The following CAMK1D variants were observed in gnomAD, a reference collection of about 807,000 sequenced individuals.
CAMK1D encodes calcium/calmodulin dependent protein kinase ID, also known as calcium/calmodulin-dependent protein kinase type 1D.
In CAMK1D, 9 loss-of-function variants were observed where a neutral mutation model predicts 47.7. The ratio of observed to expected loss-of-function variants is 0.19; its 90% CI spans 0.11 to 0.33. The LOEUF (loss-of-function observed/expected upper bound fraction) is 0.33. Ranked by LOEUF, CAMK1D falls within the 10% of genes least tolerant of loss-of-function variation. CAMK1D has a pLI of 1.00. For missense variants in CAMK1D, 291 were observed against 488.7 expected (o/e 0.60, Z 3.81); for synonymous variants, 184 against 184.9 (o/e 0.99, Z 0.04).
chr10:12,756,527 T>G (rs1484655753), intron 3 of CAMK1D, among the ~76,000 whole-genome samples: 1 of 152,268 alleles, frequency 6.6e-6, no homozygotes, highest in Non-Finnish European at 1.5e-5. Flanking sequence ...GCAAACATAC[T>G]GAAATTTTAC....
rs187483507 is a variant in CAMK1D at position 12,361,616 on chromosome 10, C to T, written c.92+11706C>T. Among the ~76,000 whole-genome samples the T allele has an allele frequency of 4.6e-3, 600 of 131,802 alleles. 2 individuals are homozygous for T. The highest frequency in any genetic ancestry group is 5.6e-3 in the Non-Finnish European group (366 of 64,794). The allele number at this position is 131,802 out of a possible 152,430, so 86.5% of individuals were successfully genotyped here. A position where few individuals can be genotyped will look rare whatever the true frequency, so the allele number is the denominator to read the frequency against. ...TGTGGCCCAGGCTGGAGTGCAGTGG[C>T]GTAATCTCTGCTCACGGAAACCTCT... On this transcript the variant is annotated intron_variant, in intron 1 of 10. Coordinates refer to ENST00000619168, the MANE Select transcript of CAMK1D (RefSeq NM_153498.4).
intron 1 of CAMK1D, among the ~76,000 whole-genome samples, chr10:12,507,290 C>T (rs115784259): frequency 3.3e-5 from 5 of 152,284 alleles, no homozygotes; most frequent in African/African-American, 1.2e-4. Flanking sequence ...GACCTAGTGG[C>T]AGTAGGTTTC....
At chr10:12,757,680 G>A (rs1364245273) in intron 3 of CAMK1D, among the ~76,000 whole-genome samples, 2 of 152,148 alleles carry the variant, frequency 1.3e-5, no homozygotes, top group African/African-American at 4.8e-5. Context: ...TTTTCTCACA[G>A]TTCTGGAGGC....
chr10:12,384,239 A>G (rs781204476), intron 1 of CAMK1D, among the ~76,000 whole-genome samples: 6 of 152,244 alleles, frequency 3.9e-5, no homozygotes, highest in Non-Finnish European at 8.8e-5. Context: ...TCCTGTGTCT[A>G]TGGATTGGAA....
At chr10:12,615,436 G>A in intron 2 of CAMK1D, among the ~76,000 whole-genome samples, 1 of 152,214 alleles carries the variant, frequency 6.6e-6, no homozygotes, top group South Asian at 2.1e-4. Flanking sequence ...CTGAGTGTGT[G>A]AGTGTGTGCA....
chr10:12,387,200 T>C (rs1470400083), intron 1 of CAMK1D, among the ~76,000 whole-genome samples: 1 of 142,354 alleles, frequency 7.0e-6, no homozygotes. Flanking sequence ...AGAGACTCCA[T>C]CTCAAAAAAA....
chr10:12,646,876 C>G (rs1839824426), intron 2 of CAMK1D, among the ~76,000 whole-genome samples: 2 of 152,050 alleles, frequency 1.3e-5, no homozygotes, highest in African/African-American at 4.8e-5. Flanking sequence ...GAGTCTCACT[C>G]TGTCACCCAG....
chr10:12,430,939 G>A (rs1035375903), intron 1 of CAMK1D, among the ~76,000 whole-genome samples: 27 of 152,164 alleles, frequency 1.8e-4, no homozygotes, highest in African/African-American at 6.3e-4. Flanking sequence ...TAGTAGAGAC[G>A]GGATTTCGCC....
intron 2 of CAMK1D, among the ~76,000 whole-genome samples, chr10:12,560,926 T>C (rs976513226): frequency 1.1e-4 from 16 of 151,856 alleles, no homozygotes; most frequent in African/African-American, 2.2e-4. Context: ...CTTTCTTTTT[T>C]TTTTTGAGAT....
At chr10:12,515,405 T>TTTTTTTTTTTTC (rs1835168596) in intron 1 of CAMK1D, among the ~76,000 whole-genome samples, 57 of 82,318 alleles carry the variant, frequency 6.9e-4, no homozygotes, top group African/African-American at 1.7e-3. Context: ...TCCTTTTCTT[T>TTTTTTTTTTTTC]TTTTTTTTTT....
chr10:12,472,304 C>T (rs1833770717), intron 1 of CAMK1D, among the ~76,000 whole-genome samples: 1 of 152,210 alleles, frequency 6.6e-6, no homozygotes, highest in Admixed American at 6.5e-5. Flanking sequence ...CTGTAGGCCT[C>T]AGATGGTCCA....
chr10:12,352,477 T>C (rs1837382302), intron 1 of CAMK1D, among the ~76,000 whole-genome samples: 1 of 151,608 alleles, frequency 6.6e-6, no homozygotes, highest in Non-Finnish European at 1.5e-5. Flanking sequence ...GGTGTGGTGG[T>C]GTGTGCCTAT....
At chr10:12,418,901 G>A (rs1258529277) in intron 1 of CAMK1D, among the ~76,000 whole-genome samples, 2 of 152,162 alleles carry the variant, frequency 1.3e-5, no homozygotes, top group African/African-American at 2.4e-5. Context: ...GGCCATAGAT[G>A]GAAGGCCTCA....
At chr10:12,523,480 C>T (rs1468519320) in intron 1 of CAMK1D, among the ~76,000 whole-genome samples, 2 of 152,168 alleles carry the variant, frequency 1.3e-5, no homozygotes, top group African/African-American at 2.4e-5. Flanking sequence ...AATGAGACTC[C>T]GTCTGCAATC....
chr10:12,807,222 T>C (rs1280983384), intron 6 of CAMK1D, among the ~76,000 whole-genome samples: 10 of 152,204 alleles, frequency 6.6e-5, no homozygotes, highest in Admixed American at 6.5e-4. Flanking sequence ...CTCGTTGATA[T>C]CCTTTGTGGG....
chr10:12,352,740 C>CT (rs760701327), intron 1 of CAMK1D, among the ~76,000 whole-genome samples: 64 of 54,154 alleles, frequency 1.2e-3, no homozygotes, highest in East Asian at 3.9e-3. Context: ...TGTGGACTTT[C>CT]TTTTTTTTTT....
chr10:12,826,136 CAA>C (rs111766429), intron 10 of CAMK1D: 29 of 143,204 alleles, frequency 2.0e-4, no homozygotes, highest in South Asian at 8.6e-4. Flanking sequence ...GACTCCCTCT[CAA>C]AAAAAAAAAA....
At chr10:12,611,218 T>C (rs1243996465) in intron 2 of CAMK1D, among the ~76,000 whole-genome samples, 2 of 152,124 alleles carry the variant, frequency 1.3e-5, no homozygotes, top group Non-Finnish European at 2.9e-5. Flanking sequence ...AATGAGACCC[T>C]GGACCTGGGG....
intron 1 of CAMK1D, among the ~76,000 whole-genome samples, chr10:12,437,201 T>C (rs2132003364): frequency 6.6e-6 from 1 of 152,294 alleles, no homozygotes; most frequent in South Asian, 2.1e-4. Flanking sequence ...TCTGTCTGTC[T>C]ATGTAATCTA....
Sources: gnomAD v4.1 joint callset for allele counts (sites outside exome capture counted in the v4.1 genomes callset) on GRCh38, gnomAD v4.1.1 for gene constraint, MANE v1.5 for transcripts, NCBI Gene and HGNC (gene_info 2026-07-23, HGNC 2026-07-21) for gene names.